Variants in STRN observed in about 807,000 individuals in gnomAD.
The protein encoded by STRN is protein phosphatase 2 regulatory subunit B'''alpha.
A neutral mutation model predicts 96.3 loss-of-function variants in STRN; 53 were observed. The observed-to-expected ratio is 0.55, with a 90% CI of 0.44 to 0.69. The LOEUF is 0.69. STRN is among the 30% of genes least tolerant of loss of function. The pLI is 0.00. For synonymous variants in STRN, 428 were observed against 355.9 expected (o/e 1.20, Z -2.28); for missense variants, 987 against 963.9 (o/e 1.02, Z -0.32).
chr2:36,844,547 T>C lies in STRN; in HGVS notation c.*4909A>G, dbSNP rs1287290753. 1 of 152,138 alleles carries C rather than the reference T, an allele frequency of 6.6e-6. No individual in the cohort carries two copies. The highest frequency in any genetic ancestry group is 1.5e-5 in the Non-Finnish European group (1 of 68,006). 9.4% of individuals were successfully genotyped at this position (152,138 alleles called of 1,614,324 possible). A position where few individuals can be genotyped will look rare whatever the true frequency, so the allele number is the denominator to read the frequency against. On this transcript the variant is annotated 3_prime_UTR_variant, in exon 18 of 18. Coordinates refer to ENST00000263918, the MANE Select transcript of STRN (RefSeq NM_003162.4). ...CAGAGAGATGACAAGCATGTGGTCC[T>C]GGTTAAATTAAATCTAAAGCTTGGA...
chr2:36,865,476 G>C (rs560478743), intron 12 of STRN, among the ~76,000 whole-genome samples: 2 of 152,076 alleles, frequency 1.3e-5, no homozygotes, highest in Admixed American at 1.3e-4. Context: ...ATTTCATTCA[G>C]TTCAGCTCTG....
rs777385356 is a variant in STRN, at chr2:36,850,981, A to G, written c.2086+19T>C. The G allele has an allele frequency of 2.6e-6, 4 of 1,548,446 alleles. No homozygotes were observed. Among genetic ancestry groups the G allele is most frequent in the Non-Finnish European group, 3.5e-6 (4 of 1,147,408 alleles). On this transcript the variant is annotated intron_variant, in intron 16 of 17. Coordinates refer to ENST00000263918, the MANE Select transcript of STRN (RefSeq NM_003162.4). Reference sequence around the variant, plus strand: ...TTTTTTTTTGCTTTAATAAAAATCAATTCTTAATAAATTCTTACCTGTATT... The same window carrying G: ...TTTTTTTTTGCTTTAATAAAAATCAGTTCTTAATAAATTCTTACCTGTATT...
chr2:36,942,056 C>T (rs1670858599), intron 1 of STRN, among the ~76,000 whole-genome samples: 2 of 152,084 alleles, frequency 1.3e-5, no homozygotes, highest in Admixed American at 6.6e-5. Context: ...TGGCCAAACA[C>T]GGCTATGTGA....
At chr2:36,930,758 C>T (rs1217503702) in intron 1 of STRN, among the ~76,000 whole-genome samples, 1 of 152,008 alleles carries the variant, frequency 6.6e-6, no homozygotes, top group Non-Finnish European at 1.5e-5. Context: ...AGAGGCCGGG[C>T]GCAGTGGCTC....
chr2:36,902,592 T>A lies in STRN; in HGVS notation c.651A>T (p.Ala217=), dbSNP rs1278893214. The A allele has an allele frequency of 2.5e-6, 4 of 1,602,814 alleles. No homozygotes were observed. Among genetic ancestry groups the A allele is most frequent in the Non-Finnish European group, 3.4e-6 (4 of 1,173,340 alleles). Residue 217 remains alanine (A), a synonymous_variant, in exon 5 of 18, where the codon GCA becomes GCT. Coordinates refer to ENST00000263918, the MANE Select transcript of STRN (RefSeq NM_003162.4). The part of the protein sequence containing the change: ...NGTEAEVKET[A]MIAKSELTDS... Reference sequence around the variant, plus strand: ...CCAGACAAAATACTTACGCAATCATTGCTGTCTCTTTAACTTCAGCCTCTG... The same window carrying A: ...CCAGACAAAATACTTACGCAATCATAGCTGTCTCTTTAACTTCAGCCTCTG...
chr2:36,881,118 CTTTTTTTTTTTTT>C (rs3081783), intron 9 of STRN, among the ~76,000 whole-genome samples: 10 of 78,996 alleles, frequency 1.3e-4, no homozygotes, highest in East Asian at 4.3e-4. Flanking sequence ...ACACTGCCTT[CTTTTTTTTTTTTT>C]TTTTTTTTTT....
At chr2:36,869,350 C>A (rs573011426) in intron 11 of STRN, among the ~76,000 whole-genome samples, 31 of 152,274 alleles carry the variant, frequency 2.0e-4, no homozygotes, top group African/African-American at 7.5e-4. Context: ...GTGAAACCAA[C>A]AGATAATACC....
intron 9 of STRN, among the ~76,000 whole-genome samples, chr2:36,883,165 A>G (rs1669118972): frequency 6.6e-6 from 1 of 152,048 alleles, no homozygotes; most frequent in South Asian, 2.1e-4. Flanking sequence ...AAAAGTATAT[A>G]CATGTGAGGC....
chr2:36,917,538 G>GAAAAAAAAAAAAAAAA (rs576754026), intron 2 of STRN, among the ~76,000 whole-genome samples: 12 of 88,504 alleles, frequency 1.4e-4, no homozygotes, highest in African/African-American at 2.7e-4. Flanking sequence ...ACAAAAAAAA[G>GAAAAAAAAAAAAAAAA]AAAAAAAAAA....
In STRN at chr2:36,848,979, G is replaced by T. The variant is rs1259240762; in HGVS notation, c.*477C>A. Reference sequence around the variant, plus strand: ...CTGCCTGGTCATTATACACAAAGGGGTTAATATGGCAGATATGATAAAGAT... The same window carrying T: ...CTGCCTGGTCATTATACACAAAGGGTTTAATATGGCAGATATGATAAAGAT... On this transcript the variant is annotated 3_prime_UTR_variant, in exon 18 of 18. Transcript: ENST00000263918. The T allele has an allele frequency of 6.4e-6, 1 of 156,820 alleles. No individual in the cohort carries two copies. Among genetic ancestry groups the T allele is most frequent in the African/African-American group, 2.4e-5 (1 of 41,450 alleles). The allele number at this position is 156,820 out of a possible 1,614,324, so 9.7% of individuals were successfully genotyped here.
At chr2:36,950,066 T>C (rs1664714181) in intron 1 of STRN, among the ~76,000 whole-genome samples, 2 of 151,638 alleles carry the variant, frequency 1.3e-5, no homozygotes, top group Admixed American at 1.3e-4. Context: ...ATGAGACTAG[T>C]AAAAAAAACT....
At chr2:36,893,370 T>A (rs901617031) in intron 7 of STRN, among the ~76,000 whole-genome samples, 2 of 152,250 alleles carry the variant, frequency 1.3e-5, no homozygotes, top group East Asian at 1.9e-4. Context: ...ACCTTTTTTT[T>A]ATGAGACGGA....
Position 36,841,778 on chromosome 2 carries a change from A to G in STRN, c.*7678T>C, listed in dbSNP as rs1371317178. The G allele has an allele frequency of 6.6e-6, 1 of 152,184 alleles. No homozygotes were observed. Among genetic ancestry groups the G allele is most frequent in the Non-Finnish European group, 1.5e-5 (1 of 68,024 alleles). The allele number at this position is 152,184 out of a possible 1,614,324, so 9.4% of individuals were successfully genotyped here. On this transcript the variant is annotated 3_prime_UTR_variant, in exon 18 of 18. Transcript: ENST00000263918. ...TGACACTTTGCCATGGGGCTCTAGG[A>G]TACTTTTGATATATTTCCTAAAAAT...
intron 1 of STRN, among the ~76,000 whole-genome samples, chr2:36,962,712 T>C (rs563652409): frequency 3.3e-5 from 5 of 152,304 alleles, no homozygotes; most frequent in African/African-American, 1.2e-4. Context: ...TTTCACCATG[T>C]TGGCCAGGAC....
At chr2:36,911,424 A>T (rs1169611591) in intron 3 of STRN, among the ~76,000 whole-genome samples, 1 of 152,190 alleles carries the variant, frequency 6.6e-6, no homozygotes, top group Non-Finnish European at 1.5e-5. Context: ...GCCAGGGGCC[A>T]GCACACTACT....
In STRN at chr2:36,838,443, A is replaced by G. The variant is rs1667870097; in HGVS notation, c.*11013T>C. Among the ~76,000 whole-genome samples, 1 of 152,190 alleles carries G rather than the reference A, an allele frequency of 6.6e-6. No individual in the cohort carries two copies. The highest frequency in any genetic ancestry group is 6.5e-5 in the Admixed American group (1 of 15,278). ...TTCAGTTCTGAGTGCAATCCAGATGACCAAAACATTTGAAAAGATGTCTAC... is the reference window on the plus strand; with the variant it reads ...TTCAGTTCTGAGTGCAATCCAGATGGCCAAAACATTTGAAAAGATGTCTAC... On this transcript the variant is annotated 3_prime_UTR_variant, in exon 18 of 18. Coordinates refer to ENST00000263918, the MANE Select transcript of STRN (RefSeq NM_003162.4).
intron 8 of STRN, among the ~76,000 whole-genome samples, chr2:36,885,278 G>A (rs2148176151): frequency 6.6e-6 from 1 of 152,198 alleles, no homozygotes; most frequent in Admixed American, 6.5e-5. Flanking sequence ...AGGATCTTTT[G>A]TATTTCAAGA....
chr2:36,878,072 C>T (rs1371781386), intron 9 of STRN, 45 bp from the exon 10 acceptor site: 1 of 1,605,248 alleles, frequency 6.2e-7, no homozygotes, highest in African/African-American at 1.3e-5. Context: ...CTCTAAGGAG[C>T]CAACATTTAG....
intron 3 of STRN, among the ~76,000 whole-genome samples, chr2:36,911,507 T>C (rs1196784109): frequency 1.3e-5 from 2 of 152,224 alleles, no homozygotes; most frequent in Non-Finnish European, 2.9e-5. Flanking sequence ...GTACCTTCTA[T>C]GAATGCTTGC....
Sources: allele counts gnomAD v4.1 joint callset (sites outside exome capture counted in the v4.1 genomes callset), GRCh38; gene constraint gnomAD v4.1.1; transcripts MANE v1.5; gene names NCBI Gene and HGNC (gene_info 2026-07-23, HGNC 2026-07-21).